NALCN: variants seen among roughly 807,000 people sequenced by gnomAD.
The protein encoded by NALCN is sodium leak channel, non-selective, also known as sodium leak channel NALCN.
In NALCN, 111 loss-of-function variants were observed where a neutral mutation model predicts 225.3. The ratio of observed to expected loss-of-function variants is 0.49; its 90% confidence interval spans 0.42 to 0.58. The LOEUF (loss-of-function observed/expected upper bound fraction) is 0.58, where lower values mean the gene tolerates loss of function less well. NALCN is among the 20% of genes least tolerant of loss of function. The probability of loss-of-function intolerance (pLI) is 0.00; values close to 1 mark genes in which losing one functional copy is unlikely to be tolerated. For missense variants in NALCN, 1,378 were observed against 2,202.4 expected, an observed-to-expected ratio of 0.63 and a Z score of 7.49; for synonymous variants, 764 against 769.0, an observed-to-expected ratio of 0.99 and a Z score of 0.11.
At chr13:101,067,643 A>C (rs1274748305) in intron 39 of NALCN, among the ~76,000 whole-genome samples, 1 of 152,158 alleles carries the variant, frequency 6.6e-6, no homozygotes, top group Non-Finnish European at 1.5e-5. Context: ...CCTGAGCCCA[A>C]GGCTGATTCC....
At chr13:101,369,312 T>C (rs572395263) in intron 6 of NALCN, among the ~76,000 whole-genome samples, 31 of 152,254 alleles carry the variant, frequency 2.0e-4, no homozygotes, top group Middle Eastern at 3.4e-3. Flanking sequence ...AAATTTTTCA[T>C]GGTGAACTTC....
At chr13:101,296,103 C>A (rs903162373) in intron 7 of NALCN, among the ~76,000 whole-genome samples, 1 of 152,174 alleles carries the variant, frequency 6.6e-6, no homozygotes, top group Non-Finnish European at 1.5e-5. Flanking sequence ...CTACACTAGG[C>A]AATGGCCCTT....
chr13:101,402,935 C>G (rs2047516725), intron 1 of NALCN, among the ~76,000 whole-genome samples: 1 of 152,212 alleles, frequency 6.6e-6, no homozygotes, highest in Non-Finnish European at 1.5e-5. Flanking sequence ...GGATTGTTTT[C>G]TTGCTCATTC....
chr13:101,225,988 C>A (rs1055931196), intron 13 of NALCN, among the ~76,000 whole-genome samples: 1 of 152,124 alleles, frequency 6.6e-6, no homozygotes, highest in East Asian at 1.9e-4. Flanking sequence ...CCAAAGAACC[C>A]TCTGACCCTC....
intron 17 of NALCN, among the ~76,000 whole-genome samples, chr13:101,133,852 A>G (rs930359589): frequency 2.6e-5 from 4 of 152,220 alleles, no homozygotes; most frequent in Admixed American, 6.5e-5. Flanking sequence ...TTTTGTGAAG[A>G]GAATTTTAGA....
At chr13:101,117,464 T>C (rs1030679595) in intron 18 of NALCN, among the ~76,000 whole-genome samples, 9 of 152,274 alleles carry the variant, frequency 5.9e-5, no homozygotes, top group African/African-American at 1.9e-4. Context: ...CTGCAGGAAC[T>C]GCATTGGCCA....
At chr13:101,236,782 C>A (rs9557599) in intron 12 of NALCN, among the ~76,000 whole-genome samples, 1 of 112,606 alleles carries the variant, frequency 8.9e-6, no homozygotes, top group Admixed American at 1.0e-4. Flanking sequence ...GGGGAGGGGG[C>A]AGGGATAGCT....
At chr13:101,121,221 C>T (rs924563836) in intron 18 of NALCN, among the ~76,000 whole-genome samples, 1 of 152,054 alleles carries the variant, frequency 6.6e-6, no homozygotes, top group Non-Finnish European at 1.5e-5. Flanking sequence ...CTGAAGATCG[C>T]CTCCTCCTAG....
intron 11 of NALCN, among the ~76,000 whole-genome samples, chr13:101,249,865 C>G (rs1429223603): frequency 1.3e-5 from 2 of 151,838 alleles, no homozygotes; most frequent in African/African-American, 2.4e-5. Flanking sequence ...TGCCTCTATT[C>G]AACATTTTAT....
intron 13 of NALCN, among the ~76,000 whole-genome samples, chr13:101,221,194 C>CAGCAAAA: frequency 6.6e-6 from 1 of 151,814 alleles, no homozygotes; most frequent in Non-Finnish European, 1.5e-5. Context: ...GCAAAATCTA[C>CAGCAAAA]TGCAACCTCT....
intron 7 of NALCN, among the ~76,000 whole-genome samples, chr13:101,339,876 A>G (rs1414664794): frequency 6.6e-6 from 1 of 152,170 alleles, no homozygotes; most frequent in Non-Finnish European, 1.5e-5. Context: ...AATAAAGACC[A>G]AACATCACCA....
intron 13 of NALCN, among the ~76,000 whole-genome samples, chr13:101,194,223 C>T (rs980467142): frequency 6.6e-6 from 1 of 151,988 alleles, no homozygotes; most frequent in Non-Finnish European, 1.5e-5. Context: ...CTGGGGTTAT[C>T]CTCTTTTCAT....
In NALCN at chr13:101,292,932, T is replaced by G. The variant is rs529909340; in HGVS notation, c.800-566A>C. ...TGAATCACCAAATAGGACTTTGTAT[T>G]TTCTGGGAGAATTACCTCATAGAAA... On this transcript the variant is annotated intron_variant, in intron 7 of 43. Coordinates refer to ENST00000251127, the MANE Select transcript of NALCN (RefSeq NM_052867.4). The surrounding 1 kb of genome is among the most constrained non-coding windows in gnomAD (Gnocchi z 4.3). 2.0e-5 allele frequency among the ~76,000 whole-genome samples: 3 copies of G among 152,340 alleles called. No homozygotes were observed. The South Asian group carries it at 6.2e-4, about 32-fold the overall frequency.
At chr13:101,309,112 C>T (rs1462632836) in intron 7 of NALCN, among the ~76,000 whole-genome samples, 1 of 152,054 alleles carries the variant, frequency 6.6e-6, no homozygotes, top group Non-Finnish European at 1.5e-5. Flanking sequence ...AATTATTTCT[C>T]AAGAAAAAGC....
chr13:101,153,740 C>A (rs148406928), intron 15 of NALCN, among the ~76,000 whole-genome samples: 3 of 152,186 alleles, frequency 2.0e-5, no homozygotes, highest in Non-Finnish European at 2.9e-5. Flanking sequence ...ACTCCTGAAA[C>A]CTTCCTAACT....
At position 101,258,561 on chromosome 13, in the gene NALCN, G is replaced by A; in HGVS notation, c.1148C>T (p.Ser383Leu). The A allele has an allele frequency of 6.2e-7, 1 of 1,614,170 alleles. No homozygotes were observed. The highest frequency in any genetic ancestry group is 8.5e-7 in the Non-Finnish European group (1 of 1,180,030). The change falls in exon 11 of 44, where the codon TCA (serine) becomes TTA (leucine). Residue 383 changes from serine to leucine, a missense_variant. Transcript: ENST00000251127. The part of the protein sequence containing the change: ...APACLQKMMR[S>L]SVFHMFILSM... The stretch of plus-strand genomic sequence containing the variant: ...CAGGATGAACATGTGGAAAACGGAT[G>A]ACCGCATCATTTTCTGAGGGGGCGA...
rs10508056 is a variant in NALCN at position 101,176,545 on chromosome 13, A to C, written c.1765-171T>G. Reference sequence around the variant, plus strand: ...ATTTCAAGGTATTTATCACAAATACATGAAATAAAATGCATACGTTCATTG... The same window carrying C: ...ATTTCAAGGTATTTATCACAAATACCTGAAATAAAATGCATACGTTCATTG... On this transcript the variant is annotated intron_variant, in intron 14 of 43. Coordinates refer to ENST00000251127, the MANE Select transcript of NALCN (RefSeq NM_052867.4). Among the ~76,000 whole-genome samples the C allele has an allele frequency of 0.24, 37,263 of 152,204 alleles. 5,386 individuals are homozygous for C. Among genetic ancestry groups the C allele is most frequent in the Non-Finnish European group, 0.33 (22,319 of 67,980 alleles).
At chr13:101,318,629 C>A (rs2044639524) in intron 7 of NALCN, among the ~76,000 whole-genome samples, 1 of 152,188 alleles carries the variant, frequency 6.6e-6, no homozygotes, top group African/African-American at 2.4e-5. Context: ...ATGTGTACTT[C>A]ATGTCCCTTT....
At position 101,068,710 on chromosome 13, in the gene NALCN, G is replaced by A. The variant is rs751619387; in HGVS notation, c.4315C>T (p.Leu1439=). ...SFYVIIAYIM[L]NLLVAIIVEN... ...CATCACTTACCTACAAGCAGATTTA[G>A]CATGATGTAGGCAATGATGACATAA... The change falls in exon 38 of 44, where the codon CTA becomes TTA. Residue 1439 remains leucine (L), a synonymous_variant. Coordinates refer to ENST00000251127, the MANE Select transcript of NALCN (RefSeq NM_052867.4). 1.7e-5 allele frequency: 28 copies of A among 1,603,654 alleles called. No individual in the cohort carries two copies. Among genetic ancestry groups the A allele is most frequent in the Non-Finnish European group, 4.3e-6 (5 of 1,175,984 alleles).
Sources: gnomAD v4.1 joint callset for allele counts (sites outside exome capture counted in the v4.1 genomes callset) on GRCh38, gnomAD v4.1.1 for gene constraint, Gnocchi (gnomAD v3.1) non-coding constraint, MANE v1.5 for transcripts, NCBI Gene and HGNC (gene_info 2026-07-23, HGNC 2026-07-21) for gene names.